Variants in CDK14 observed in about 807,000 individuals in gnomAD.
CDK14 encodes cyclin dependent kinase 14.
In CDK14, 34 loss-of-function variants were observed where a neutral mutation model predicts 60.7. That is an observed-to-expected ratio of 0.56 (90% CI 0.43 to 0.75). The LOEUF (loss-of-function observed/expected upper bound fraction) is 0.75, where lower values mean the gene tolerates loss of function less well. CDK14 is among the 30% of genes least tolerant of loss of function. The probability of loss-of-function intolerance (pLI) is 0.00; values close to 1 mark genes in which losing one functional copy is unlikely to be tolerated. For missense variants in CDK14, 482 were observed against 564.1 expected, an observed-to-expected ratio of 0.85 and a Z score of 1.47; for synonymous variants, 197 against 203.7, an observed-to-expected ratio of 0.97 and a Z score of 0.28.
rs575265018 is a variant in CDK14, at chr7:90,999,135, A to G, written c.1041+14894A>G. ...TACCTCCCAAAGGCCCCATCTCCAA[A>G]TGTCATCAACACGTGAATTTGTGGA... On this transcript the variant is annotated intron_variant, in intron 10 of 14. Transcript: ENST00000380050. Among the ~76,000 whole-genome samples, 24 of 152,144 alleles carry G rather than the reference A, an allele frequency of 1.6e-4. 1 individual carries two copies. The East Asian group carries it at 3.7e-3, about 23-fold the overall frequency.
chr7:90,775,873 T>A (rs1483414731), intron 4 of CDK14, among the ~76,000 whole-genome samples: 2 of 151,578 alleles, frequency 1.3e-5, no homozygotes, highest in African/African-American at 4.9e-5. Flanking sequence ...TCTTCATAGT[T>A]TTCAGTGTAT....
At chr7:90,767,240 C>CT (rs1051443984) in intron 4 of CDK14, among the ~76,000 whole-genome samples, 72 of 152,330 alleles carry the variant, frequency 4.7e-4, no homozygotes, top group African/African-American at 1.7e-3. Context: ...CCTAAACTCA[C>CT]TGAGTCATGC....
intron 12 of CDK14, among the ~76,000 whole-genome samples, chr7:91,101,022 A>G (rs984258319): frequency 1.3e-5 from 2 of 152,154 alleles, no homozygotes; most frequent in Non-Finnish European, 2.9e-5. Context: ...CATCTTGTTC[A>G]TGTTAAGGCT....
chr7:90,858,423 G>A (rs894014833), intron 5 of CDK14, among the ~76,000 whole-genome samples: 9 of 152,198 alleles, frequency 5.9e-5, no homozygotes, highest in Non-Finnish European at 1.3e-4. Flanking sequence ...CTGGGTATGA[G>A]ATTCTCACTG....
At chr7:91,100,422 A>G (rs1799117918) in intron 12 of CDK14, among the ~76,000 whole-genome samples, 1 of 152,222 alleles carries the variant, frequency 6.6e-6, no homozygotes, top group South Asian at 2.1e-4. Flanking sequence ...TAGACAGTAG[A>G]GCGGAAACAT....
chr7:90,650,815 A>G (rs1176205541), intron 2 of CDK14, among the ~76,000 whole-genome samples: 1 of 152,066 alleles, frequency 6.6e-6, no homozygotes, highest in African/African-American at 2.4e-5. Flanking sequence ...CCATTAGTCT[A>G]TATATCTGTT....
At chr7:90,850,460 C>T (rs1200819276) in intron 5 of CDK14, among the ~76,000 whole-genome samples, 1 of 152,122 alleles carries the variant, frequency 6.6e-6, no homozygotes, top group African/African-American at 2.4e-5. Flanking sequence ...TATTATAATA[C>T]TGTGACAGGA....
Position 90,822,161 on chromosome 7 carries a change from G to T in CDK14, c.544+31509G>T, listed in dbSNP as rs114020600. On this transcript the variant is annotated intron_variant, in intron 5 of 14. Transcript: ENST00000380050. ...GATGAGACTGTTTTTGGTATTTTTG[G>T]CAGTATCTAGCAGAATGCTAGGCTC... Among the ~76,000 whole-genome samples the T allele has an allele frequency of 5.7e-3, 870 of 152,254 alleles. 14 individuals carry two copies. Among genetic ancestry groups the T allele is most frequent in the African/African-American group, 0.02 (837 of 41,544 alleles).
chr7:91,077,196 T>C (rs879097897), intron 11 of CDK14, among the ~76,000 whole-genome samples: 1 of 152,170 alleles, frequency 6.6e-6, no homozygotes, highest in African/African-American at 2.4e-5. Flanking sequence ...CACATGCACA[T>C]GTATGTTTAT....
At chr7:90,757,547 A>C (rs185510554) in intron 4 of CDK14, among the ~76,000 whole-genome samples, 24 of 151,850 alleles carry the variant, frequency 1.6e-4, no homozygotes, top group Admixed American at 3.9e-4. Context: ...TTCTTTTTAA[A>C]GTACAAACAA....
chr7:90,633,761 A>G (rs1242578082), intron 2 of CDK14, among the ~76,000 whole-genome samples: 1 of 151,932 alleles, frequency 6.6e-6, no homozygotes, highest in African/African-American at 2.4e-5. Flanking sequence ...TTTTCTTTCT[A>G]TGATGGGTAT....
chr7:91,077,925 A>G (rs1798371386), intron 11 of CDK14, among the ~76,000 whole-genome samples: 2 of 152,194 alleles, frequency 1.3e-5, no homozygotes, highest in African/African-American at 4.8e-5. Flanking sequence ...GAAGAAATGT[A>G]AATGGCCAGA....
At chr7:90,871,935 A>G (rs1377855620) in intron 6 of CDK14, among the ~76,000 whole-genome samples, 3 of 152,254 alleles carry the variant, frequency 2.0e-5, no homozygotes, top group African/African-American at 4.8e-5. Context: ...AGTGTGTCCC[A>G]TGTGACATAA....
intron 6 of CDK14, among the ~76,000 whole-genome samples, chr7:90,891,438 C>T (rs529956411): frequency 6.6e-6 from 1 of 152,332 alleles, no homozygotes; most frequent in South Asian, 2.1e-4. Context: ...TACACATAAA[C>T]TATGCCTACC....
chr7:90,639,819 A>G (rs2116436037), intron 2 of CDK14, among the ~76,000 whole-genome samples: 1 of 152,234 alleles, frequency 6.6e-6, no homozygotes, highest in South Asian at 2.1e-4. Context: ...AAGCCTGGGC[A>G]ATGGCGGGCG....
chr7:90,691,929 G>C lies in CDK14; in HGVS notation c.124-34638G>C, dbSNP rs116106343. 4.5e-3 allele frequency among the ~76,000 whole-genome samples: 683 copies of C among 152,250 alleles called. 7 individuals carry two copies. The highest frequency in any genetic ancestry group is 0.015 in the African/African-American group (642 of 41,544). On this transcript the variant is annotated intron_variant, in intron 2 of 14. Coordinates refer to ENST00000380050, the MANE Select transcript of CDK14 (RefSeq NM_001287135.2). Reference sequence around the variant, plus strand: ...CATAAGTGAGGTTTGGGAGTGCTGTGAAGGAGTTGATTTCATAATTGTTGT... The same window carrying C: ...CATAAGTGAGGTTTGGGAGTGCTGTCAAGGAGTTGATTTCATAATTGTTGT...
chr7:90,741,598 C>T (rs1296913456), intron 3 of CDK14, among the ~76,000 whole-genome samples: 2 of 152,014 alleles, frequency 1.3e-5, no homozygotes, highest in African/African-American at 4.8e-5. Flanking sequence ...TGATTTTAAG[C>T]CCTTAACATT....
intron 4 of CDK14, among the ~76,000 whole-genome samples, chr7:90,752,447 A>G (rs1204629608): frequency 1.3e-5 from 2 of 152,168 alleles, no homozygotes; most frequent in African/African-American, 4.8e-5. Context: ...GCAGAAGTCA[A>G]AAAATTCTTA....
chr7:90,605,779 C>T (rs1349448062), intron 2 of CDK14, among the ~76,000 whole-genome samples: 1 of 152,198 alleles, frequency 6.6e-6, no homozygotes, highest in African/African-American at 2.4e-5. Context: ...TTATATCCCG[C>T]TTTTTTCTTT....
Sources: gnomAD v4.1 joint callset for allele counts (sites outside exome capture counted in the v4.1 genomes callset) on GRCh38, gnomAD v4.1.1 for gene constraint, MANE v1.5 for transcripts, NCBI Gene and HGNC (gene_info 2026-07-23, HGNC 2026-07-21) for gene names.